Variants in MRI1 observed in about 807,000 individuals in gnomAD.
MRI1 encodes methylthioribose-1-phosphate isomerase.
MRI1 carries 32 observed loss-of-function variants against 27.3 expected under a neutral mutation model. The ratio of observed to expected loss-of-function variants is 1.17; its 90% confidence interval spans 0.88 to 1.57. MRI1 has a LOEUF of 1.57. Among genes scored for constraint, MRI1 ranks in the 40% most tolerant of loss-of-function variants. The probability of loss-of-function intolerance (pLI) is 0.00; values close to 1 mark genes in which losing one functional copy is unlikely to be tolerated. For synonymous variants in MRI1, 216 were observed against 227.4 expected, an observed-to-expected ratio of 0.95 and a Z score of 0.45; for missense variants, 508 against 516.1, an observed-to-expected ratio of 0.98 and a Z score of 0.15.
rs1280302326 is a variant in MRI1, at chr19:13,772,125, T to C, written c.954T>C (p.Ile318=). ...VNGVRIAAPG[I]GVWNPAFDVT... ...CCTCCCCTCTCTCCCCTGCAGGGAT[T>C]GGAGTTTGGAATCCTGCCTTCGATG... The change falls in exon 6 of 6, where the codon ATT becomes ATC. Residue 318 remains isoleucine (I), a synonymous_variant. Transcript: ENST00000040663. 1 of 1,612,194 alleles carries C rather than the reference T, an allele frequency of 6.2e-7. No individual in the cohort carries two copies. The highest frequency in any genetic ancestry group is 8.5e-7 in the Non-Finnish European group (1 of 1,179,116).
rs534618940 is a variant in MRI1, at chr19:13,773,843, A to C, written c.*1562A>C. ...TGGCTAATTTTTGTATTTTTATTGG[A>C]GACACCATGTTAGTCGTGGCTGGTC... On this transcript the variant is annotated 3_prime_UTR_variant, in exon 6 of 6. Transcript: ENST00000040663. The C allele has an allele frequency of 1.3e-5, 2 of 152,398 alleles. No individual in the cohort carries two copies. The highest frequency in any genetic ancestry group is 4.8e-5 in the African/African-American group (2 of 41,548). 9.4% of individuals were successfully genotyped at this position (152,398 alleles called of 1,614,324 possible). A position where few individuals can be genotyped will look rare whatever the true frequency, so the allele number is the denominator to read the frequency against.
At position 13,766,058 on chromosome 19, in the gene MRI1, G is replaced by A. The variant is rs1568307434; in HGVS notation, c.476G>A (p.Gly159Asp). 1 of 1,613,074 alleles carries A rather than the reference G, an allele frequency of 6.2e-7. No homozygotes were observed. The highest frequency in any genetic ancestry group is 1.7e-5 in the Admixed American group (1 of 59,948). ...CTCCTGGAGCGGGTGGCCCCCAGCG[G>A]TGGCAAGGTGACTGTGCTGACCCAC... The part of the protein sequence containing the change: ...RHLLERVAPS[G>D]GKVTVLTHCN... The change falls in exon 3 of 6, where the codon GGT (glycine) becomes GAT (aspartate). Residue 159 changes from glycine to aspartate, a missense_variant. Coordinates refer to ENST00000040663, the MANE Select transcript of MRI1 (RefSeq NM_001031727.4).
rs1974120474 is a variant in MRI1 at position 13,766,172 on chromosome 19, A to G, written c.547+43A>G. ...GGGGGTAGGGGAGGGCCTTCTAGGA[A>G]CTTTTTTAGATACAAGAGAAAGAAT... On this transcript the variant is annotated intron_variant, in intron 3 of 5. Transcript: ENST00000040663. 3 of 1,474,510 alleles carry G rather than the reference A, an allele frequency of 2.0e-6. No homozygotes were observed. The East Asian group carries it at 7.1e-5, about 35-fold the overall frequency. The allele number at this position is 1,474,510 out of a possible 1,614,324, so 91.3% of individuals were successfully genotyped here. A position where few individuals can be genotyped will look rare whatever the true frequency, so the allele number is the denominator to read the frequency against.
rs1435256766 is a variant in MRI1, at chr19:13,772,894, A to G, written c.*613A>G. The stretch of plus-strand genomic sequence containing the variant: ...AAAAATAAATGTGGATAATACTAGT[A>G]CCTCCCTCTTAAGGTCAGGGCTGGA... On this transcript the variant is annotated 3_prime_UTR_variant, in exon 6 of 6. Coordinates refer to ENST00000040663, the MANE Select transcript of MRI1 (RefSeq NM_001031727.4). 1 of 151,494 alleles carries G rather than the reference A, an allele frequency of 6.6e-6. No homozygotes were observed. Among genetic ancestry groups the G allele is most frequent in the Admixed American group, 6.6e-5 (1 of 15,156 alleles). The allele number at this position is 151,494 out of a possible 1,614,324, so 9.4% of individuals were successfully genotyped here.
chr19:13,770,682 A>C (rs1489592564), intron 5 of MRI1, among the ~76,000 whole-genome samples: 1 of 150,652 alleles, frequency 6.6e-6, no homozygotes, highest in Non-Finnish European at 1.5e-5. Context: ...TCGGGAGTTC[A>C]AGACCAGCCT....
intron 2 of MRI1, among the ~76,000 whole-genome samples, chr19:13,765,644 G>A (rs1454393682): frequency 2.0e-5 from 3 of 152,326 alleles, no homozygotes; most frequent in Non-Finnish European, 2.9e-5. Flanking sequence ...TCTGTTGCCT[G>A]ATTCTGCCGG....
At chr19:13,770,383 C>T (rs1239719819) in intron 5 of MRI1, among the ~76,000 whole-genome samples, 1 of 149,574 alleles carries the variant, frequency 6.7e-6, no homozygotes, top group Non-Finnish European at 1.5e-5. Context: ...TCAGGCGTTC[C>T]AGACCAGCCT....
At chr19:13,768,230 C>T (rs1336064589) in intron 3 of MRI1, 1 of 689,846 alleles carries the variant, frequency 1.4e-6, no homozygotes, top group Non-Finnish European at 2.6e-6. Context: ...AGGGGGGCTG[C>T]CTGTACACAT....
chr19:13,771,503 C>G (rs1006134162), intron 5 of MRI1, among the ~76,000 whole-genome samples: 1 of 152,056 alleles, frequency 6.6e-6, no homozygotes, highest in African/African-American at 2.4e-5. Context: ...TGTACTACAG[C>G]CTGGGTGACA....
chr19:13,765,622 C>T (rs908701149), intron 2 of MRI1, among the ~76,000 whole-genome samples: 1 of 152,208 alleles, frequency 6.6e-6, no homozygotes, highest in South Asian at 2.1e-4. Context: ...TGATCCAGCT[C>T]ACCCGCTGCT....
intron 3 of MRI1, 82 bp from the exon 4 acceptor site, chr19:13,768,479 G>T (rs768076933): frequency 6.3e-7 from 1 of 1,587,556 alleles, no homozygotes; most frequent in South Asian, 1.1e-5. Context: ...CCCAGACTAG[G>T]AGCCTGCACC....
chr19:13,765,133 C>G, intron 2 of MRI1, 24 bp downstream of exon 2: 1 of 1,490,036 alleles, frequency 6.7e-7, no homozygotes, highest in East Asian at 2.6e-5. Flanking sequence ...GTACCAGGCA[C>G]GGCGCTGAGC....
chr19:13,771,845 A>G (rs1974274571), intron 5 of MRI1, among the ~76,000 whole-genome samples: 1 of 152,228 alleles, frequency 6.6e-6, no homozygotes, highest in Non-Finnish European at 1.5e-5. Flanking sequence ...CAACAAGAGC[A>G]AAACTACATC....
intron 5 of MRI1, among the ~76,000 whole-genome samples, chr19:13,771,725 G>A (rs1472269254): frequency 6.6e-6 from 1 of 151,410 alleles, no homozygotes; most frequent in Non-Finnish European, 1.5e-5. Context: ...GCATGGTGGT[G>A]CATGCCTGTA....
At chr19:13,766,185 C>G in intron 3 of MRI1, 56 bp downstream of exon 3, 8 of 1,451,972 alleles carry the variant, frequency 5.5e-6, no homozygotes, top group Non-Finnish European at 7.3e-6. Context: ...TTTTTAGATA[C>G]AAGAGAAAGA....
chr19:13,769,153 C>A, intron 5 of MRI1, 105 bp downstream of exon 5: 1 of 955,618 alleles, frequency 1.0e-6, no homozygotes, highest in Non-Finnish European at 1.5e-6. Flanking sequence ...ACAGCTCCTA[C>A]AAGCCACTTT....
At position 13,765,995 on chromosome 19, in the gene MRI1, G is replaced by A. The variant is rs752124310; in HGVS notation, c.413G>A (p.Arg138Lys). The A allele has an allele frequency of 6.2e-7, 1 of 1,612,408 alleles. No individual in the cohort carries two copies. Among genetic ancestry groups the A allele is most frequent in the Non-Finnish European group, 8.5e-7 (1 of 1,179,426 alleles). Residue 138 changes from arginine to lysine, a missense_variant, in exon 3 of 6, where the codon AGA (arginine) becomes AAA (lysine). Coordinates refer to ENST00000040663, the MANE Select transcript of MRI1 (RefSeq NM_001031727.4). ...CTEDMLEKDLRDNRSIGDLGA... is the reference protein window; with the variant it reads ...CTEDMLEKDLKDNRSIGDLGA... ...GAGGACATGCTGGAGAAAGACCTCAGAGACAACCGAAGCATTGGGGACCTA... is the reference window on the plus strand; with the variant it reads ...GAGGACATGCTGGAGAAAGACCTCAAAGACAACCGAAGCATTGGGGACCTA...
chr19:13,771,439 G>A (rs2145205150), intron 5 of MRI1, among the ~76,000 whole-genome samples: 1 of 152,240 alleles, frequency 6.6e-6, no homozygotes, highest in South Asian at 2.1e-4. Flanking sequence ...GCTGCAGCAG[G>A]AGAATCGTTT....
Position 13,767,029 on chromosome 19 carries a change from ATATATATATTTTTTTTTTTTT to A in MRI1, c.547+902_547+922del, listed in dbSNP as rs1403522768. ...TCCACATATATATATATATATATAT[ATATATATATTTTTTTTTTTTT>A]TTTTTTTTTTTTTTTTGAGACAGAG... On this transcript the variant is annotated intron_variant, in intron 3 of 5. Transcript: ENST00000040663. 4.2e-3 allele frequency among the ~76,000 whole-genome samples: 177 copies of A among 42,224 alleles called. 2 individuals are homozygous for A. In the East Asian group the frequency reaches 0.06, roughly 14 times the overall value. The allele number at this position is 42,224 out of a possible 152,430, so 27.7% of individuals were successfully genotyped here. A position where few individuals can be genotyped will look rare whatever the true frequency, so the allele number is the denominator to read the frequency against.
Sources: allele counts gnomAD v4.1 joint callset (sites outside exome capture counted in the v4.1 genomes callset), GRCh38; gene constraint gnomAD v4.1.1; transcripts MANE v1.5; gene names NCBI Gene and HGNC (gene_info 2026-07-23, HGNC 2026-07-21).